LRP3: variants seen among roughly 807,000 people sequenced by gnomAD.
LRP3 encodes the protein LDL receptor related protein 3, also known as low-density lipoprotein receptor-related protein 3.
A neutral mutation model predicts 58.5 loss-of-function variants in LRP3; 49 were observed. That is an observed-to-expected ratio of 0.84 (90% CI 0.67 to 1.06). The LOEUF is 1.06. Ranked by LOEUF, LRP3 falls within the 50% of genes least tolerant of loss-of-function variation. LRP3 has a pLI of 0.00. For synonymous variants in LRP3, 485 were observed against 492.2 expected (o/e 0.99, Z 0.20); for missense variants, 1,019 against 1,134.2 (o/e 0.90, Z 1.46).
chr19:33,207,051 C>CG lies in LRP3; in HGVS notation c.1794dup (p.Pro599AlafsTer166). 3 of 1,486,936 alleles carry CG rather than the reference C, an allele frequency of 2.0e-6. No homozygotes were observed. Among genetic ancestry groups the CG allele is most frequent in the Non-Finnish European group, 2.7e-6 (3 of 1,124,570 alleles). 92.1% of individuals were successfully genotyped at this position (1,486,936 alleles called of 1,614,324 possible). On this transcript the variant is annotated frameshift_variant, in exon 7 of 7. Transcript: ENST00000253193. LOFTEE classifies it low-confidence loss of function (END_TRUNC). ...ACAGATGCGTCGGCACGCCTCCCGCCGGGGGCCCTCCCGCCGCCGCCTCGG... is the reference window on the plus strand; with the variant it reads ...ACAGATGCGTCGGCACGCCTCCCGCCGGGGGGCCCTCCCGCCGCCGCCTCGG...
chr19:33,196,972 G>A (rs1974292621), intron 2 of LRP3, among the ~76,000 whole-genome samples, 195 bp downstream of exon 2: 1 of 152,194 alleles, frequency 6.6e-6, no homozygotes, highest in Non-Finnish European at 1.5e-5. Context: ...TAAAGTGGGT[G>A]AAATAACAAG....
intron 4 of LRP3, 50 bp downstream of exon 4, chr19:33,204,902 G>T (rs1176048006): frequency 1.9e-6 from 3 of 1,555,106 alleles, no homozygotes; most frequent in Non-Finnish European, 1.8e-6. Context: ...CACCGTGCAT[G>T]CCCACAGGCT....
At position 33,206,265 on chromosome 19, in the gene LRP3, A is replaced by T; in HGVS notation, c.1495A>T (p.Thr499Ser). The change falls in exon 5 of 7, where the codon ACG (threonine) becomes TCG (serine). Residue 499 changes from threonine to serine, a missense_variant. By Grantham distance (58) the Thr-to-Ser change is moderately conservative. Coordinates refer to ENST00000253193, the MANE Select transcript of LRP3 (RefSeq NM_002333.4). The part of the protein sequence containing the change: ...CLAAVPRKVI[T>S]AALIGSLVCG... ...GGCCGCCGTGCCCCGCAAGGTCATCACGGCGGCGCTCATTGGCAGCCTGGT... is the reference window on the plus strand; with the variant it reads ...GGCCGCCGTGCCCCGCAAGGTCATCTCGGCGGCGCTCATTGGCAGCCTGGT... 7 of 1,597,866 alleles carry T rather than the reference A, an allele frequency of 4.4e-6. No homozygotes were observed. Among genetic ancestry groups the T allele is most frequent in the Non-Finnish European group, 5.1e-6 (6 of 1,172,002 alleles).
chr19:33,205,524 C>A lies in LRP3; in HGVS notation c.754C>A (p.Leu252Met), dbSNP rs766368486. 71 of 1,565,964 alleles carry A rather than the reference C, an allele frequency of 4.5e-5. No individual in the cohort carries two copies. In the South Asian group the frequency reaches 8.1e-4, roughly 18 times the overall value. ...CTCGGATGAGGCGGGCTGCCCCGAC[C>A]TGGCGTGCGGCCGGCGGCTGGGCAG... Reference protein sequence around the residue: ...DGSDEAGCPDLACGRRLGSFY... With the variant: ...DGSDEAGCPDMACGRRLGSFY... The change falls in exon 5 of 7, where the codon CTG (leucine) becomes ATG (methionine). Residue 252 changes from leucine to methionine, a missense_variant. Physicochemically the swap from Leu to Met is conservative, Grantham distance 15. Coordinates refer to ENST00000253193, the MANE Select transcript of LRP3 (RefSeq NM_002333.4).
chr19:33,194,662 G>GGAGCCCGAGCCC lies in LRP3; in HGVS notation c.-123_-112dup, dbSNP rs1382749684. 5.2e-6 allele frequency: 1 copy of GGAGCCCGAGCCC among 191,324 alleles called. No homozygotes were observed. Among genetic ancestry groups the GGAGCCCGAGCCC allele is most frequent in the African/African-American group, 2.5e-5 (1 of 39,794 alleles). 11.9% of individuals were successfully genotyped at this position (191,324 alleles called of 1,614,324 possible). On this transcript the variant is annotated 5_prime_UTR_variant, in exon 1 of 7. Coordinates refer to ENST00000253193, the MANE Select transcript of LRP3 (RefSeq NM_002333.4). ...CCGGGCCGCAGCAGCCACGCCAGCC[G>GGAGCCCGAGCCC]GAGCCCGAGCCCTAGCCCGAGCCCG...
At chr19:33,201,221 G>C (rs1393289918) in intron 2 of LRP3, among the ~76,000 whole-genome samples, 1 of 152,352 alleles carries the variant, frequency 6.6e-6, no homozygotes, top group South Asian at 2.1e-4. Flanking sequence ...CCGAGGCTGG[G>C]GGGAGGGATG....
Position 33,206,974 on chromosome 19 carries a change from G to T in LRP3, c.1726-14G>T. 1 of 1,438,486 alleles carries T rather than the reference G, an allele frequency of 7.0e-7. No homozygotes were observed. The allele number at this position is 1,438,486 out of a possible 1,614,324, so 89.1% of individuals were successfully genotyped here. A position where few individuals can be genotyped will look rare whatever the true frequency, so the allele number is the denominator to read the frequency against. ...AGCCGCATCCCCCCGCCCCTACCCT[G>T]CTCCACCCCACAGGCCTCTGTGCTG... On this transcript the variant is annotated splice_polypyrimidine_tract_variant and intron_variant, in intron 6 of 6. Coordinates refer to ENST00000253193, the MANE Select transcript of LRP3 (RefSeq NM_002333.4).
At position 33,207,652 on chromosome 19, in the gene LRP3, C is replaced by A. The variant is rs535606815; in HGVS notation, c.*77C>A. ...CACAGTCATTTCTACCCTGCCTCTG[C>A]GTCCTTTCTTATGGAGAGGCCCTCC... On this transcript the variant is annotated 3_prime_UTR_variant, in exon 7 of 7. Coordinates refer to ENST00000253193, the MANE Select transcript of LRP3 (RefSeq NM_002333.4). The A allele has an allele frequency of 7.5e-6, 9 of 1,195,398 alleles. No homozygotes were observed. The highest frequency in any genetic ancestry group is 2.0e-4 in the Middle Eastern group (1 of 4,978). The allele number at this position is 1,195,398 out of a possible 1,614,324, so 74.0% of individuals were successfully genotyped here.
At chr19:33,204,568 C>G in intron 3 of LRP3, 70 bp from the exon 4 acceptor site, 1 of 1,176,112 alleles carries the variant, frequency 8.5e-7, no homozygotes, top group Non-Finnish European at 1.2e-6. Flanking sequence ...CCTGACCACT[C>G]CCTGCTGGTC....
chr19:33,205,752 C>T lies in LRP3; in HGVS notation c.982C>T (p.Arg328Cys), dbSNP rs774100355. 3.8e-6 allele frequency: 6 copies of T among 1,594,116 alleles called. No homozygotes were observed. Among genetic ancestry groups the T allele is most frequent in the Admixed American group, 1.7e-5 (1 of 58,258 alleles). The change falls in exon 5 of 7, where the codon CGC becomes TGC. Residue 328 changes from arginine (R) to cysteine (C), a missense_variant. Transcript: ENST00000253193. ...GDRLLQTLSY[R>C]SNHRPVSLEA... The stretch of plus-strand genomic sequence containing the variant: ...CCGCCTGCTGCAGACGCTGTCCTAC[C>T]GCAGCAACCACCGGCCCGTGAGCCT...
chr19:33,204,838 T>G lies in LRP3; in HGVS notation c.461T>G (p.Leu154Arg). 4 of 1,613,330 alleles carry G rather than the reference T, an allele frequency of 2.5e-6. No homozygotes were observed. Among genetic ancestry groups the G allele is most frequent in the Non-Finnish European group, 3.4e-6 (4 of 1,179,924 alleles). Residue 154 changes from leucine to arginine, a missense_variant, in exon 4 of 7, where the codon CTG becomes CGG. By Grantham distance (102) the Leu-to-Arg change is moderately radical (BLOSUM62 -2). This residue lies in a region of LRP3 where 592 missense variants were observed against 725.5 expected (regional missense o/e 0.82). Coordinates refer to ENST00000253193, the MANE Select transcript of LRP3 (RefSeq NM_002333.4). ...TCCGGCCAGGCCCAGGGCTTCCGTC[T>G]GTCTTACATCCGAGGTGATGGAGGC... Reference protein sequence around the residue: ...SSSGQAQGFRLSYIRGKLGQA... With the variant: ...SSSGQAQGFRRSYIRGKLGQA...
At position 33,208,663 on chromosome 19, in the gene LRP3, C is replaced by T. The variant is rs752748837; in HGVS notation, c.*1088C>T. On this transcript the variant is annotated 3_prime_UTR_variant, in exon 7 of 7. Transcript: ENST00000253193. The surrounding 1 kb of genome is among the most constrained non-coding windows in gnomAD (Gnocchi z 4.7). Reference sequence around the variant, plus strand: ...CATCAGGGACTCCCCATAGCACGAGCGAACAGCCAGCCCTGTTTATTTATA... The same window carrying T: ...CATCAGGGACTCCCCATAGCACGAGTGAACAGCCAGCCCTGTTTATTTATA... 19 of 599,262 alleles carry T rather than the reference C, an allele frequency of 3.2e-5. No individual in the cohort carries two copies. The highest frequency in any genetic ancestry group is 4.4e-4 in the Middle Eastern group (1 of 2,248). 37.1% of individuals were successfully genotyped at this position (599,262 alleles called of 1,614,324 possible).
chr19:33,196,836 C>A, intron 2 of LRP3, 59 bp downstream of exon 2: 1 of 1,524,972 alleles, frequency 6.6e-7, no homozygotes, highest in East Asian at 2.3e-5. Flanking sequence ...GTGAGTGGTC[C>A]CTGAAGACAG....
chr19:33,203,311 GGTGTGTGTGCATATGT>G lies in LRP3; in HGVS notation c.260+338_260+353del, dbSNP rs578049713. 7.1e-4 allele frequency among the ~76,000 whole-genome samples: 105 copies of G among 147,034 alleles called. 1 individual carries two copies. In the South Asian group the frequency reaches 0.016, roughly 23 times the overall value. ...GCATGCATGTGAACACATGTAAGTA[GGTGTGTGTGCATATGT>G]GTGTGTGTGCATGTATGTGAACACA... is the stretch of plus-strand genomic sequence containing the variant. On this transcript the variant is annotated intron_variant, in intron 3 of 6. Coordinates refer to ENST00000253193, the MANE Select transcript of LRP3 (RefSeq NM_002333.4).
chr19:33,204,602 C>T, intron 3 of LRP3, 36 bp from the exon 4 acceptor site: 2 of 1,477,590 alleles, frequency 1.4e-6, no homozygotes, highest in South Asian at 2.3e-5. Flanking sequence ...ATCCCACCTA[C>T]TGCCTCATGT....
At chr19:33,198,377 G>A (rs1391764765) in intron 2 of LRP3, among the ~76,000 whole-genome samples, 2 of 152,136 alleles carry the variant, frequency 1.3e-5, no homozygotes, top group Non-Finnish European at 2.9e-5. Context: ...GGAGCTGCAC[G>A]CCCAGCGCGC....
chr19:33,196,598 C>T, intron 1 of LRP3, 132 bp from the exon 2 acceptor site: 1 of 789,280 alleles, frequency 1.3e-6, no homozygotes, highest in East Asian at 2.5e-5. Context: ...GGGCTGCGCT[C>T]TGGGCCTTGC....
rs1974395817 is a variant in LRP3, at chr19:33,205,639, A to G, written c.869A>G (p.Asp290Gly). ...LHCTWLVDTQ[D>G]SRRVLLQLEL... ...TGCACGTGGCTGGTGGACACACAGG[A>G]CTCCCGGCGGGTGCTGCTGCAGCTG... The change falls in exon 5 of 7, where the codon GAC (aspartate) becomes GGC (glycine). Residue 290 changes from aspartate to glycine, a missense_variant. Physicochemically the swap from Asp to Gly is moderately conservative, Grantham distance 94. This residue lies in a region of LRP3 where 592 missense variants were observed against 725.5 expected (regional missense o/e 0.82). Coordinates refer to ENST00000253193, the MANE Select transcript of LRP3 (RefSeq NM_002333.4). 4 of 1,610,908 alleles carry G rather than the reference A, an allele frequency of 2.5e-6. No homozygotes were observed. Among genetic ancestry groups the G allele is most frequent in the Non-Finnish European group, 3.4e-6 (4 of 1,179,396 alleles).
Position 33,194,917 on chromosome 19 carries a change from G to A in LRP3, c.73+59G>A, listed in dbSNP as rs1974269663. ...TCCCCCGCATGGCAGTCCGCGCCGCGCCCTGACCGACCTCCTCTCCGGCCG... is the reference window on the plus strand; with the variant it reads ...TCCCCCGCATGGCAGTCCGCGCCGCACCCTGACCGACCTCCTCTCCGGCCG... On this transcript the variant is annotated intron_variant, in intron 1 of 6. Transcript: ENST00000253193. 14 of 921,822 alleles carry A rather than the reference G, an allele frequency of 1.5e-5. No homozygotes were observed. In the South Asian group the frequency reaches 3.1e-4, roughly 20 times the overall value. 57.1% of individuals were successfully genotyped at this position (921,822 alleles called of 1,614,324 possible). A position where few individuals can be genotyped will look rare whatever the true frequency, so the allele number is the denominator to read the frequency against.
Sources: gnomAD v4.1 joint callset for allele counts (sites outside exome capture counted in the v4.1 genomes callset) on GRCh38, gnomAD v4.1.1 for gene constraint, gnomAD v4.1.1 regional missense constraint, Gnocchi (gnomAD v3.1) non-coding constraint, MANE v1.5 for transcripts, NCBI Gene and HGNC (gene_info 2026-07-23, HGNC 2026-07-21) for gene names.